Variants in GCNA observed in about 807,000 individuals in gnomAD.
GCNA encodes the protein germ cell nuclear acidic protein.
A neutral mutation model predicts 38.8 loss-of-function variants in GCNA; 3 were observed. The observed-to-expected ratio is 0.08, with a 90% CI of 0.04 to 0.20. The LOEUF (loss-of-function observed/expected upper bound fraction) is 0.20, where lower values mean the gene tolerates loss of function less well. Among genes scored for constraint, GCNA ranks in the 10% least tolerant of loss-of-function variants. The pLI is 1.00. For synonymous variants in GCNA, 195 were observed against 240.2 expected, an observed-to-expected ratio of 0.81 and a Z score of 1.74; for missense variants, 446 against 578.6, an observed-to-expected ratio of 0.77 and a Z score of 2.35.
Position 71,592,116 on chromosome X carries a change from T to C in GCNA, c.60-6T>C. The stretch of plus-strand genomic sequence containing the variant: ...CTTTTATAAAGTATCTCTTTTATTT[T>C]TGCAGTTACATCCTTAATGTTCAGT... On this transcript the variant is annotated splice_polypyrimidine_tract_variant and splice_region_variant and intron_variant, in intron 2 of 12. Transcript: ENST00000373696. 1 of 1,200,691 alleles carries C rather than the reference T, an allele frequency of 8.3e-7. No homozygotes were observed. The highest frequency in any genetic ancestry group is 1.1e-6 in the Non-Finnish European group (1 of 886,503).
chrX:71,601,215 G>A (rs1403328436), intron 7 of GCNA, among the ~76,000 whole-genome samples: 1 of 110,420 alleles, frequency 9.1e-6, no homozygotes, highest in East Asian at 2.9e-4. Flanking sequence ...GTGGTGGTGC[G>A]TGCCTGTAGT....
At position 71,604,647 on chromosome X, in the gene GCNA, C is replaced by T. The variant is rs772684771; in HGVS notation, c.1370C>T (p.Ala457Val). 35 of 1,206,006 alleles carry T rather than the reference C, an allele frequency of 2.9e-5. No homozygotes were observed. Among genetic ancestry groups the T allele is most frequent in the South Asian group, 1.6e-4 (9 of 55,597 alleles). ...NIVEPLRKRK[A>V]KTKNVSVTPG... Reference sequence around the variant, plus strand: ...GTGGAGCCACTGAGGAAGAGGAAGGCGAAAACCAAAAATGTATCTGTGACA... The same window carrying T: ...GTGGAGCCACTGAGGAAGAGGAAGGTGAAAACCAAAAATGTATCTGTGACA... The change falls in exon 8 of 13, where the codon GCG becomes GTG. Residue 457 changes from alanine to valine, a missense_variant. Ala to Val is a moderately conservative substitution (Grantham distance 64). Around this residue, in one of 7 missense-constraint regions of GCNA, gnomAD observed 160 missense variants for 165.2 expected, o/e 0.97. Transcript: ENST00000373696.
intron 6 of GCNA, among the ~76,000 whole-genome samples, chrX:71,596,061 C>T (rs1464997621): frequency 9.0e-6 from 1 of 111,332 alleles, no homozygotes; most frequent in Non-Finnish European, 1.9e-5. Flanking sequence ...AATAAAAATA[C>T]AAAAATTAGC....
rs368274794 is a variant in GCNA, at chrX:71,594,299, C to T, written c.141-32C>T. The T allele has an allele frequency of 9.7e-6, 11 of 1,137,602 alleles. No homozygotes were observed. The African/African-American group carries it at 1.8e-4, about 19-fold the overall frequency. 93.8% of individuals were successfully genotyped at this position (1,137,602 alleles called of 1,213,427 possible). A position where few individuals can be genotyped will look rare whatever the true frequency, so the allele number is the denominator to read the frequency against. On this transcript the variant is annotated intron_variant, in intron 4 of 12. Transcript: ENST00000373696. ...GGTTGCTTATGGCGTCGATAGCCCT[C>T]CTTTTATAAAGTATCTCTTTTATTT... is the stretch of plus-strand genomic sequence containing the variant.
At position 71,609,135 on chromosome X, in the gene GCNA, G is replaced by A; in HGVS notation, c.1611+18G>A. The stretch of plus-strand genomic sequence containing the variant: ...ATAAAAAGGTAGGATCAATGAATGA[G>A]CACTGATTGAGCACCTGCTATACAC... On this transcript the variant is annotated intron_variant, in intron 10 of 12. Coordinates refer to ENST00000373696, the MANE Select transcript of GCNA (RefSeq NM_052957.5). 8.4e-7 allele frequency: 1 copy of A among 1,194,122 alleles called. No homozygotes were observed. Among genetic ancestry groups the A allele is most frequent in the Non-Finnish European group, 1.1e-6 (1 of 881,640 alleles).
At position 71,604,309 on chromosome X, in the gene GCNA, A is replaced by C; in HGVS notation, c.1032A>C (p.Glu344Asp). 1 of 1,212,339 alleles carries C rather than the reference A, an allele frequency of 8.2e-7. No individual in the cohort carries two copies. The highest frequency in any genetic ancestry group is 1.1e-6 in the Non-Finnish European group (1 of 895,668). Residue 344 changes from glutamate (E) to aspartate (D), a missense_variant, in exon 8 of 13, where the codon GAA (glutamate) becomes GAC (aspartate). Glu to Asp is a conservative substitution (Grantham distance 45). This residue lies in a region of GCNA where 160 missense variants were observed against 165.2 expected (regional missense o/e 0.97). Coordinates refer to ENST00000373696, the MANE Select transcript of GCNA (RefSeq NM_052957.5). ...TGCCAGCAGAAGATTTGTGTAATGAAGGCCAAATTGCTTCAGATGAAGAAG... is the reference window on the plus strand; with the variant it reads ...TGCCAGCAGAAGATTTGTGTAATGACGGCCAAATTGCTTCAGATGAAGAAG... ...VPVPAEDLCN[E>D]GQIASDEEEL...
chrX:71,610,100 C>T (rs977017430), intron 10 of GCNA, among the ~76,000 whole-genome samples: 4 of 111,098 alleles, frequency 3.6e-5, no homozygotes, highest in Middle Eastern at 4.6e-3. Flanking sequence ...CCTGCACTCA[C>T]GTGTTCTATC....
intron 2 of GCNA, among the ~76,000 whole-genome samples, chrX:71,589,273 C>CT (rs1486368214): frequency 6.8e-5 from 7 of 103,356 alleles, no homozygotes; most frequent in South Asian, 4.4e-4. Flanking sequence ...TGCATATATT[C>CT]TTTTTTTTTA....
intron 9 of GCNA, 104 bp downstream of exon 9, chrX:71,605,833 T>C: frequency 1.5e-6 from 1 of 676,905 alleles, no homozygotes; most frequent in Non-Finnish European, 2.2e-6. Flanking sequence ...GGGGATGGAG[T>C]CTGGCTGGGA....
chrX:71,601,960 C>G (rs914849095), intron 7 of GCNA, among the ~76,000 whole-genome samples: 1 of 112,029 alleles, frequency 8.9e-6, no homozygotes, highest in Non-Finnish European at 1.9e-5. Context: ...TTCTTTCTTT[C>G]GGGTATATAC....
chrX:71,605,598 G>T lies in GCNA; in HGVS notation c.1400-65G>T, dbSNP rs1480364923. The T allele has an allele frequency of 7.1e-6, 7 of 987,198 alleles. No homozygotes were observed. The East Asian group carries it at 2.3e-4, about 32-fold the overall frequency. The allele number at this position is 987,198 out of a possible 1,213,427, so 81.4% of individuals were successfully genotyped here. A position where few individuals can be genotyped will look rare whatever the true frequency, so the allele number is the denominator to read the frequency against. The stretch of plus-strand genomic sequence containing the variant: ...GGGCTCCTTTTGGGTTTACCTTTCT[G>T]TTGGTCTCGTGATGGTACCAATTTT... On this transcript the variant is annotated intron_variant, in intron 8 of 12. Coordinates refer to ENST00000373696, the MANE Select transcript of GCNA (RefSeq NM_052957.5).
chrX:71,603,821 A>G lies in GCNA; in HGVS notation c.544A>G (p.Asn182Asp), dbSNP rs1216581537. ...TGATGATTCGGAAGCTCCCGACGAC[A>G]ATAGTGATGATTCGGATGTTCCCGA... Reference protein sequence around the residue: ...NSDDSEAPDDNSDDSDVPDDN... With the variant: ...NSDDSEAPDDDSDDSDVPDDN... Residue 182 changes from asparagine (N) to aspartate (D), a missense_variant, in exon 8 of 13, where the codon AAT (asparagine) becomes GAT (aspartate). Asn to Asp is a conservative substitution (Grantham distance 23). Around this residue, in one of 7 missense-constraint regions of GCNA, gnomAD observed 118 missense variants for 122.8 expected, o/e 0.96. Transcript: ENST00000373696. 8.3e-7 allele frequency: 1 copy of G among 1,209,727 alleles called. No individual in the cohort carries two copies. The highest frequency in any genetic ancestry group is 3.0e-5 in the East Asian group (1 of 33,752).
intron 1 of GCNA, among the ~76,000 whole-genome samples, chrX:71,579,911 G>C (rs1482505972): frequency 9.3e-6 from 1 of 107,416 alleles, no homozygotes; most frequent in African/African-American, 3.4e-5. Flanking sequence ...TCGAAGATTG[G>C]CTAGAGGCTG....
At position 71,611,034 on chromosome X, in the gene GCNA, C is replaced by T. The variant is rs751418097; in HGVS notation, c.1750+215C>T. 3.6e-5 allele frequency among the ~76,000 whole-genome samples: 4 copies of T among 112,583 alleles called. No individual in the cohort carries two copies. In the South Asian group the frequency reaches 1.5e-3, roughly 41 times the overall value. On this transcript the variant is annotated intron_variant, in intron 11 of 12. Transcript: ENST00000373696. ...ATCTTTATACCAGGCCTGCCTTTCT[C>T]TCTGCATTTCCCCTTTGCCAGCAGT...
chrX:71,607,405 TTCTTAG>T (rs2040776390), intron 9 of GCNA, among the ~76,000 whole-genome samples: 1 of 112,177 alleles, frequency 8.9e-6, no homozygotes, highest in Non-Finnish European at 1.9e-5. Context: ...TTCTGGCAAA[TTCTTAG>T]TCTTAGGAGT....
chrX:71,601,028 ATTG>A (rs2040709475), intron 7 of GCNA, among the ~76,000 whole-genome samples: 1 of 111,375 alleles, frequency 9.0e-6, no homozygotes, highest in Non-Finnish European at 1.9e-5. Context: ...CATTAGTTCA[ATTG>A]TTTTCATTTT....
chrX:71,587,153 G>C (rs1333171579), intron 2 of GCNA, among the ~76,000 whole-genome samples: 1 of 110,728 alleles, frequency 9.0e-6, no homozygotes, highest in Non-Finnish European at 1.9e-5. Context: ...CTTTGATAGT[G>C]GTAGGGACAC....
At chrX:71,585,231 T>C (rs1433569138) in intron 2 of GCNA, among the ~76,000 whole-genome samples, 3 of 110,590 alleles carry the variant, frequency 2.7e-5, no homozygotes, top group Non-Finnish European at 5.7e-5. Flanking sequence ...GGAGAATTGC[T>C]TGAGCCCAGC....
At chrX:71,589,236 A>G (rs1342980658) in intron 2 of GCNA, among the ~76,000 whole-genome samples, 1 of 107,465 alleles carries the variant, frequency 9.3e-6, no homozygotes, top group Non-Finnish European at 1.9e-5. Context: ...TCCTTTCATG[A>G]TAGAATTCTG....
Sources: gnomAD v4.1 joint callset for allele counts (sites outside exome capture counted in the v4.1 genomes callset) on GRCh38, gnomAD v4.1.1 for gene constraint, gnomAD v4.1.1 regional missense constraint, MANE v1.5 for transcripts, NCBI Gene and HGNC (gene_info 2026-07-23, HGNC 2026-07-21) for gene names.